Variants in SOX5 observed in about 807,000 individuals in gnomAD.
SOX5 encodes the protein SRY-box transcription factor 5.
Under a neutral mutation model 92.0 loss-of-function variants are expected in SOX5, and 9 were observed. The observed-to-expected ratio is 0.10, with a 90% CI of 0.06 to 0.17. The LOEUF is 0.17. Among genes scored for constraint, SOX5 ranks in the 10% least tolerant of loss-of-function variants. The pLI, the probability that SOX5 is intolerant of heterozygous loss-of-function variation, is 1.00. For missense variants in SOX5, 642 were observed against 944.5 expected, an observed-to-expected ratio of 0.68 and a Z score of 4.20; for synonymous variants, 344 against 336.3, an observed-to-expected ratio of 1.02 and a Z score of -0.25.
intron 5 of SOX5, among the ~76,000 whole-genome samples, chr12:23,736,689 CTTT>C (rs547312649): frequency 3.0e-5 from 4 of 132,600 alleles, no homozygotes; most frequent in Admixed American, 7.6e-5. Flanking sequence ...TGTTCTTTCT[CTTT>C]TTTTTTTTTT....
intron 7 of SOX5, among the ~76,000 whole-genome samples, chr12:23,653,030 A>AGATAGATG (rs2081843808): frequency 8.6e-6 from 1 of 115,762 alleles, no homozygotes; most frequent in African/African-American, 3.4e-5. Context: ...ATGTACAGAT[A>AGATAGATG]GATGGATGGA....
intron 4 of SOX5, among the ~76,000 whole-genome samples, chr12:24,211,645 G>GTT (rs1565666316): frequency 2.0e-5 from 3 of 152,212 alleles, no homozygotes. Context: ...AATGATTTGT[G>GTT]TTCCATAACC....
chr12:23,911,183 T>G (rs1390387844), intron 1 of SOX5, among the ~76,000 whole-genome samples: 1 of 152,068 alleles, frequency 6.6e-6, no homozygotes, highest in Non-Finnish European at 1.5e-5. Flanking sequence ...CTTACCATCA[T>G]AAACATCTCA....
intron 1 of SOX5, among the ~76,000 whole-genome samples, chr12:24,521,477 G>A (rs532423320): frequency 2.0e-4 from 31 of 152,302 alleles, no homozygotes; most frequent in Middle Eastern, 3.4e-3. Context: ...AGACATAGAC[G>A]GAACTTTCTA....
At chr12:23,623,902 A>G (rs939905036) in intron 8 of SOX5, among the ~76,000 whole-genome samples, 2 of 152,126 alleles carry the variant, frequency 1.3e-5, no homozygotes, top group Admixed American at 6.6e-5. Flanking sequence ...TCATAACAGC[A>G]TTCGTCATAA....
intron 8 of SOX5, among the ~76,000 whole-genome samples, chr12:23,628,042 C>A (rs544525296): frequency 1.2e-3 from 190 of 152,142 alleles, no homozygotes; most frequent in African/African-American, 4.4e-3. Context: ...AGAAAACCAG[C>A]AGCAGCATAA....
chr12:23,570,918 AAAAAAAAAAAAAATATAT>A (rs1416072604), intron 10 of SOX5, among the ~76,000 whole-genome samples: 4 of 34,412 alleles, frequency 1.2e-4, no homozygotes, highest in African/African-American at 4.9e-4. Flanking sequence ...CTCAAAAAAA[AAAAAAAAAAAAAATATAT>A]ATATATATAT....
rs181810782 is a variant in SOX5, at chr12:24,178,992, G to A, written c.-2+34351C>T. On this transcript the variant is annotated intron_variant, in intron 4 of 4. Transcript: ENST00000446891. ...GAAATAGAATTTGATACAAAATCAA[G>A]GTAAAATATATGGGATTTACCATCT... Among the ~76,000 whole-genome samples the A allele has an allele frequency of 1.2e-4, 18 of 152,190 alleles. No homozygotes were observed. In the East Asian group the frequency reaches 3.1e-3, roughly 26 times the overall value.
intron 3 of SOX5, among the ~76,000 whole-genome samples, chr12:24,254,387 A>G (rs1470809068): frequency 5.9e-5 from 9 of 151,726 alleles, no homozygotes; most frequent in Admixed American, 5.9e-4. Context: ...TAAGTTGTAA[A>G]AAAAAAAGTC....
chr12:23,684,875 G>A (rs1216400360), intron 6 of SOX5, among the ~76,000 whole-genome samples: 1 of 152,022 alleles, frequency 6.6e-6, no homozygotes, highest in Non-Finnish European at 1.5e-5. Context: ...CCATAAGCAT[G>A]GCTGCTAAAT....
chr12:24,026,354 T>C lies in SOX5; in HGVS notation c.-1-130330A>G, dbSNP rs148569910. Reference sequence around the variant, plus strand: ...GATATCCAAGAACTTTTTAAAAAAATTCACTGATTGTAATTTAATAGTGGC... The same window carrying C: ...GATATCCAAGAACTTTTTAAAAAAACTCACTGATTGTAATTTAATAGTGGC... On this transcript the variant is annotated intron_variant, in intron 4 of 4. Coordinates refer to the SOX5 transcript ENST00000446891. 2.3e-3 allele frequency among the ~76,000 whole-genome samples: 352 copies of C among 152,122 alleles called. 1 individual carries two copies. The highest frequency in any genetic ancestry group is 7.9e-3 in the African/African-American group (330 of 41,532).
At chr12:23,981,213 A>C (rs1172235414) in intron 4 of SOX5, among the ~76,000 whole-genome samples, 1 of 152,058 alleles carries the variant, frequency 6.6e-6, no homozygotes, top group African/African-American at 2.4e-5. Context: ...CAAAATTCTT[A>C]GTGGAGGACA....
intron 2 of SOX5, among the ~76,000 whole-genome samples, chr12:24,289,754 C>T (rs1051919150): frequency 1.7e-5 from 2 of 120,560 alleles, no homozygotes; most frequent in Non-Finnish European, 3.2e-5. Context: ...CGCGCCCGGC[C>T]GGACATTTGT....
chr12:24,344,281 C>CAAAAAAAAAAAAA (rs61660537), intron 2 of SOX5, among the ~76,000 whole-genome samples: 3 of 104,324 alleles, frequency 2.9e-5, no homozygotes, highest in African/African-American at 1.1e-4. Context: ...GACTCTGTCT[C>CAAAAAAAAAAAAA]AAAAAAAAAA....
intron 1 of SOX5, among the ~76,000 whole-genome samples, chr12:24,521,610 C>G (rs2138490421): frequency 6.6e-6 from 1 of 152,186 alleles, no homozygotes; most frequent in Non-Finnish European, 1.5e-5. Context: ...TCAAAATTAT[C>G]TTTTTAATCA....
intron 4 of SOX5, among the ~76,000 whole-genome samples, chr12:24,038,317 C>T (rs780444063): frequency 2.7e-4 from 41 of 152,106 alleles, no homozygotes; most frequent in Non-Finnish European, 5.4e-4. Flanking sequence ...GGCTTTCCTG[C>T]TACCTTCTGG....
chr12:23,578,117 CAAAAAAAAAAAAAAA>C lies in SOX5; in HGVS notation c.1165-2294_1165-2280del, dbSNP rs1163938652. 6.0e-4 allele frequency among the ~76,000 whole-genome samples: 21 copies of C among 34,896 alleles called. 1 individual carries two copies. Among genetic ancestry groups the C allele is most frequent in the East Asian group, 2.0e-3 (3 of 1,528 alleles). The allele number at this position is 34,896 out of a possible 152,430, so 22.9% of individuals were successfully genotyped here. On this transcript the variant is annotated intron_variant, in intron 9 of 14. Coordinates refer to ENST00000451604, the MANE Select transcript of SOX5 (RefSeq NM_006940.6). ...CCTGCGCAACAGAGTGAGACTGTGT[CAAAAAAAAAAAAAAA>C]AAAAAAAAAAAAAAAAAACTATAGG...
At chr12:24,203,608 G>A (rs1445827742) in intron 4 of SOX5, among the ~76,000 whole-genome samples, 1 of 152,068 alleles carries the variant, frequency 6.6e-6, no homozygotes, top group Non-Finnish European at 1.5e-5. Context: ...TCCTTTCTTT[G>A]ACAGAGAGAA....
chr12:23,949,766 G>GTCTCTC (rs143438082), upstream of SOX5: 419 of 472,898 alleles, frequency 8.9e-4, 3 homozygotes, highest in African/African-American at 8.9e-3. Context: ...CTCTCTCTCT[G>GTCTCTC]TCTCTCTCTC....
Sources: gnomAD v4.1 joint callset for allele counts (sites outside exome capture counted in the v4.1 genomes callset) on GRCh38, gnomAD v4.1.1 for gene constraint, MANE v1.5 for transcripts, NCBI Gene and HGNC (gene_info 2026-07-23, HGNC 2026-07-21) for gene names.